Variants in ERBB4 observed in about 807,000 individuals in gnomAD.
The protein encoded by ERBB4 is receptor tyrosine-protein kinase erbB-4.
A neutral mutation model predicts 158.0 loss-of-function variants in ERBB4; 42 were observed. That is an observed-to-expected ratio of 0.27 (90% CI 0.21 to 0.34). ERBB4 has a LOEUF of 0.34. Among genes scored for constraint, ERBB4 ranks in the 10% least tolerant of loss-of-function variants. The pLI, the probability that ERBB4 is intolerant of heterozygous loss-of-function variation, is 1.00. For missense variants in ERBB4, 1,333 were observed against 1,624.1 expected (o/e 0.82, Z 3.08); for synonymous variants, 583 against 558.7 (o/e 1.04, Z -0.61).
At chr2:211,384,148 T>G in intron 27 of ERBB4, 88 bp from the exon 28 acceptor site, 1 of 946,536 alleles carries the variant, frequency 1.1e-6, no homozygotes. Flanking sequence ...AGCTTCTTTG[T>G]CTAGAACAAA....
chr2:212,444,900 C>A (rs1032964750), intron 1 of ERBB4, among the ~76,000 whole-genome samples: 3 of 151,802 alleles, frequency 2.0e-5, no homozygotes, highest in African/African-American at 7.3e-5. Flanking sequence ...TTTGTCCTCA[C>A]TGGAATAGAC....
intron 1 of ERBB4, among the ~76,000 whole-genome samples, chr2:212,524,113 T>C (rs1165733541): frequency 6.6e-6 from 1 of 152,014 alleles, no homozygotes; most frequent in African/African-American, 2.4e-5. Context: ...ATTTCTTTAA[T>C]CATTCTTCAA....
At chr2:211,731,747 A>G (rs2074432627) in intron 5 of ERBB4, among the ~76,000 whole-genome samples, 1 of 152,184 alleles carries the variant, frequency 6.6e-6, no homozygotes, top group African/African-American at 2.4e-5. Context: ...TCAACAGGAT[A>G]CACTTAAAGT....
chr2:212,098,540 G>C (rs1300421068), intron 2 of ERBB4, among the ~76,000 whole-genome samples: 2 of 152,260 alleles, frequency 1.3e-5, no homozygotes, highest in South Asian at 2.1e-4. Context: ...TTTGATGAGA[G>C]TGGGTTGTTT....
intron 1 of ERBB4, among the ~76,000 whole-genome samples, chr2:212,366,929 T>C (rs192085342): frequency 3.5e-4 from 54 of 152,140 alleles, no homozygotes; most frequent in East Asian, 1.4e-3. Flanking sequence ...TTGTGTCTCT[T>C]CCAAATTTAT....
chr2:211,525,776 G>A (rs1189800134), intron 20 of ERBB4, among the ~76,000 whole-genome samples: 1 of 152,094 alleles, frequency 6.6e-6, no homozygotes, highest in African/African-American at 2.4e-5. Flanking sequence ...AGAGCTTTGG[G>A]GCCTTAAGTG....
Position 212,517,228 on chromosome 2 carries a change from C to T in ERBB4, c.82+21221G>A, listed in dbSNP as rs188119930. On this transcript the variant is annotated intron_variant, in intron 1 of 27. Transcript: ENST00000342788. Reference sequence around the variant, plus strand: ...ACATTTCCATGTTTACAATTCATGGCCTGTGTCAGAAAGAGTAGACAGCAA... The same window carrying T: ...ACATTTCCATGTTTACAATTCATGGTCTGTGTCAGAAAGAGTAGACAGCAA... Among the ~76,000 whole-genome samples the T allele has an allele frequency of 1.6e-4, 24 of 152,162 alleles. 1 individual carries two copies. In the East Asian group the frequency reaches 4.6e-3, roughly 29 times the overall value.
intron 17 of ERBB4, among the ~76,000 whole-genome samples, chr2:211,625,915 T>C (rs913232909): frequency 6.6e-6 from 1 of 152,214 alleles, no homozygotes; most frequent in Non-Finnish European, 1.5e-5. Context: ...CAGTTCTACC[T>C]GAGCTTTTCA....
intron 22 of ERBB4, among the ~76,000 whole-genome samples, chr2:211,425,003 T>C (rs16846133): frequency 0.28 from 42,878 of 152,038 alleles, 6,502 homozygotes; most frequent in South Asian, 0.54. Context: ...CAAAAGCAAA[T>C]ACCCTAAATG....
At chr2:212,206,195 G>T (rs1431900157) in intron 1 of ERBB4, among the ~76,000 whole-genome samples, 1 of 152,088 alleles carries the variant, frequency 6.6e-6, no homozygotes, top group Non-Finnish European at 1.5e-5. Flanking sequence ...CAGCTATCCT[G>T]TATACCACTG....
At chr2:211,768,515 C>A (rs1405656704) in intron 4 of ERBB4, among the ~76,000 whole-genome samples, 1 of 152,220 alleles carries the variant, frequency 6.6e-6, no homozygotes, top group African/African-American at 2.4e-5. Context: ...TCTTCCTGGA[C>A]ATGCAGACAT....
chr2:211,862,345 C>A (rs1302829172), intron 3 of ERBB4, among the ~76,000 whole-genome samples: 1 of 151,974 alleles, frequency 6.6e-6, no homozygotes, highest in South Asian at 2.1e-4. Context: ...TGTTTCTTAT[C>A]AGCAGAAAAT....
chr2:211,788,833 T>C (rs1168226304), intron 3 of ERBB4, among the ~76,000 whole-genome samples: 1 of 152,202 alleles, frequency 6.6e-6, no homozygotes, highest in East Asian at 1.9e-4. Flanking sequence ...AAAAATGTTG[T>C]CATCTCAAAT....
intron 1 of ERBB4, among the ~76,000 whole-genome samples, chr2:212,498,748 C>T (rs991192541): frequency 6.6e-6 from 1 of 151,942 alleles, no homozygotes; most frequent in Non-Finnish European, 1.5e-5. Context: ...TTTACTTTCC[C>T]TACCAGTCCA....
chr2:211,956,592 T>C (rs1181669114), intron 2 of ERBB4, among the ~76,000 whole-genome samples: 2 of 152,074 alleles, frequency 1.3e-5, no homozygotes, highest in African/African-American at 4.8e-5. Context: ...TCCTGCTAAA[T>C]GCTCAAAAGT....
intron 3 of ERBB4, among the ~76,000 whole-genome samples, chr2:211,930,993 G>A (rs1175725529): frequency 1.3e-5 from 2 of 152,044 alleles, no homozygotes; most frequent in Non-Finnish European, 2.9e-5. Context: ...TACTCAGCAG[G>A]GACATTTGAA....
Position 211,532,153 on chromosome 2 carries a change from G to GGC in ERBB4, c.2487+29749_2487+29750insGC, listed in dbSNP as rs386392484. On this transcript the variant is annotated intron_variant, in intron 20 of 27. Coordinates refer to ENST00000342788, the MANE Select transcript of ERBB4 (RefSeq NM_005235.3). ...TCACCAGAGTCTGGGAAGGGTTGTG[G>GGC]GGGGGGAAAGTAGGTATGGTCAATG... Among the ~76,000 whole-genome samples, 14 of 149,368 alleles carry GGC rather than the reference G, an allele frequency of 9.4e-5. No individual in the cohort carries two copies. In the South Asian group the frequency reaches 2.7e-3, roughly 29 times the overall value.
At chr2:212,478,352 G>A (rs1689511058) in intron 1 of ERBB4, among the ~76,000 whole-genome samples, 1 of 152,032 alleles carries the variant, frequency 6.6e-6, no homozygotes, top group Non-Finnish European at 1.5e-5. Context: ...GGCTTGGAAA[G>A]GTGAATTAGT....
chr2:212,125,891 T>C (rs959222208), intron 1 of ERBB4, among the ~76,000 whole-genome samples: 2 of 152,222 alleles, frequency 1.3e-5, no homozygotes, highest in Admixed American at 6.5e-5. Context: ...AACGTGCATG[T>C]GTCATTGTAA....
Sources: allele counts gnomAD v4.1 joint callset (sites outside exome capture counted in the v4.1 genomes callset), GRCh38; gene constraint gnomAD v4.1.1; transcripts MANE v1.5; gene names NCBI Gene and HGNC (gene_info 2026-07-23, HGNC 2026-07-21).